Variants in LRRFIP2 observed in about 807,000 individuals in gnomAD.
LRRFIP2 encodes the protein leucine-rich repeat flightless-interacting protein 2.
LRRFIP2 carries 109 observed loss-of-function variants against 125.9 expected under a neutral mutation model. The observed-to-expected ratio is 0.87, with a 90% CI of 0.74 to 1.01. The LOEUF (loss-of-function observed/expected upper bound fraction) is 1.01. LRRFIP2 is among the 50% of genes least tolerant of loss of function. The pLI, the probability that LRRFIP2 is intolerant of heterozygous loss-of-function variation, is 0.00. For synonymous variants in LRRFIP2, 291 were observed against 293.1 expected, an observed-to-expected ratio of 0.99 and a Z score of 0.07; for missense variants, 850 against 862.3, an observed-to-expected ratio of 0.99 and a Z score of 0.18.
chr3:37,167,469 T>C (rs1216964370), intron 1 of LRRFIP2, among the ~76,000 whole-genome samples: 2 of 147,634 alleles, frequency 1.4e-5, no homozygotes, highest in Non-Finnish European at 3.0e-5. Flanking sequence ...GCCTGGCCAA[T>C]AGGGCGAAAC....
At chr3:37,148,791 T>C (rs1215039558) in intron 2 of LRRFIP2, 103 bp downstream of exon 2, 6 of 1,248,716 alleles carry the variant, frequency 4.8e-6, no homozygotes, top group Non-Finnish European at 5.7e-6. Context: ...ATAATAAACA[T>C]CTGAAACTAG....
intron 1 of LRRFIP2, among the ~76,000 whole-genome samples, chr3:37,159,727 A>G (rs2096283516): frequency 1.3e-5 from 2 of 151,534 alleles, no homozygotes; most frequent in Admixed American, 1.3e-4. Flanking sequence ...GGCTGTTCTC[A>G]AACTCCTGAC....
rs1177831266 is a variant in LRRFIP2 at position 37,172,607 on chromosome 3, CCTT to C, written c.-56+1929_-56+1931del. Among the ~76,000 whole-genome samples the C allele has an allele frequency of 2.6e-5, 4 of 152,142 alleles. No homozygotes were observed. In the East Asian group the frequency reaches 7.7e-4, roughly 29 times the overall value. On this transcript the variant is annotated intron_variant, in intron 1 of 27. Coordinates refer to ENST00000336686, the MANE Select transcript of LRRFIP2 (RefSeq NM_006309.4). ...ACTGAACCCATGAAATAAGCATTCT[CCTT>C]CTATAATGCCATTTCTTCCCCTTCC...
intron 11 of LRRFIP2, among the ~76,000 whole-genome samples, chr3:37,109,082 C>T (rs1051826659): frequency 1.3e-5 from 2 of 152,170 alleles, no homozygotes. Context: ...GGCCACAACA[C>T]AACAAACAGC....
chr3:37,121,846 G>A (rs1459759732), intron 4 of LRRFIP2, among the ~76,000 whole-genome samples, 155 bp from the exon 5 acceptor site: 1 of 5,548 alleles, frequency 1.8e-4, no homozygotes, highest in South Asian at 1.5e-3. Context: ...ACATTCGTGT[G>A]TGTGTGTGTG....
rs1284636581 is a variant in LRRFIP2, at chr3:37,052,917, C to A, written c.*934G>T. 1 of 152,120 alleles carries A rather than the reference C, an allele frequency of 6.6e-6. No homozygotes were observed. Among genetic ancestry groups the A allele is most frequent in the Admixed American group, 6.5e-5 (1 of 15,272 alleles). The allele number at this position is 152,120 out of a possible 1,614,324, so 9.4% of individuals were successfully genotyped here. A position where few individuals can be genotyped will look rare whatever the true frequency, so the allele number is the denominator to read the frequency against. ...AGTTCTACATTCCAGATTGTTTTTC[C>A]TTGAGAAGGAGACAAAAGAAGAGGG... On this transcript the variant is annotated 3_prime_UTR_variant, in exon 28 of 28. Transcript: ENST00000336686.
At chr3:37,118,480 T>C (rs1218171455) in intron 6 of LRRFIP2, among the ~76,000 whole-genome samples, 1 of 152,264 alleles carries the variant, frequency 6.6e-6, no homozygotes, top group African/African-American at 2.4e-5. Flanking sequence ...CCAATCATTA[T>C]ACAAAACTAA....
At chr3:37,120,233 A>G (rs2149538704) in intron 6 of LRRFIP2, among the ~76,000 whole-genome samples, 1 of 151,618 alleles carries the variant, frequency 6.6e-6, no homozygotes, top group Non-Finnish European at 1.5e-5. Flanking sequence ...CAGCCTCCCA[A>G]GTAACTGGGA....
At chr3:37,074,280 T>A (rs1166981660) in intron 20 of LRRFIP2, among the ~76,000 whole-genome samples, 1 of 152,182 alleles carries the variant, frequency 6.6e-6, no homozygotes, top group East Asian at 1.9e-4. Flanking sequence ...TCATTAACAA[T>A]CTATGCTTCC....
At chr3:37,092,761 G>T (rs886898980) in intron 17 of LRRFIP2, among the ~76,000 whole-genome samples, 1 of 152,070 alleles carries the variant, frequency 6.6e-6, no homozygotes, top group Non-Finnish European at 1.5e-5. Flanking sequence ...CTTCTCTGCC[G>T]CTGTTGCAAG....
At chr3:37,146,746 T>A (rs915352329) in intron 2 of LRRFIP2, among the ~76,000 whole-genome samples, 1 of 152,192 alleles carries the variant, frequency 6.6e-6, no homozygotes, top group African/African-American at 2.4e-5. Context: ...GTAACTCAAA[T>A]GTAACCCAAA....
At chr3:37,123,614 A>G (rs2095161403) in intron 4 of LRRFIP2, among the ~76,000 whole-genome samples, 1 of 152,230 alleles carries the variant, frequency 6.6e-6, no homozygotes, top group Non-Finnish European at 1.5e-5. Flanking sequence ...AAGGGCAGGT[A>G]CAGCTTAGTA....
Position 37,066,333 on chromosome 3 carries a change from T to C in LRRFIP2, c.1465-8A>G, listed in dbSNP as rs1168489933. Reference sequence around the variant, plus strand: ...TTTCTGTTTCTCTAGGGCCTGGTTTTAGGTAAGGTAGCAAGGGAAACAATG... The same window carrying C: ...TTTCTGTTTCTCTAGGGCCTGGTTTCAGGTAAGGTAGCAAGGGAAACAATG... On this transcript the variant is annotated splice_polypyrimidine_tract_variant and splice_region_variant and intron_variant, in intron 21 of 27. Transcript: ENST00000336686. 10 of 1,608,256 alleles carry C rather than the reference T, an allele frequency of 6.2e-6. No homozygotes were observed. Among genetic ancestry groups the C allele is most frequent in the Non-Finnish European group, 8.5e-6 (10 of 1,174,672 alleles).
chr3:37,147,020 A>G (rs1310275186), intron 2 of LRRFIP2, among the ~76,000 whole-genome samples: 2 of 149,938 alleles, frequency 1.3e-5, no homozygotes, highest in Non-Finnish European at 1.5e-5. Flanking sequence ...AATTTACAAG[A>G]AAAAAAAAAC....
rs755255146 is a variant in LRRFIP2 at position 37,148,878 on chromosome 3, G to T, written c.90+16C>A. ...TCTGTGCAACTCAGTGTTGAGAGGGGATTTACCAAACATACCTCTCTGGCA... is the reference window on the plus strand; with the variant it reads ...TCTGTGCAACTCAGTGTTGAGAGGGTATTTACCAAACATACCTCTCTGGCA... On this transcript the variant is annotated intron_variant, in intron 2 of 27. Coordinates refer to ENST00000336686, the MANE Select transcript of LRRFIP2 (RefSeq NM_006309.4). 10 of 1,613,700 alleles carry T rather than the reference G, an allele frequency of 6.2e-6. No individual in the cohort carries two copies. In the East Asian group the frequency reaches 1.8e-4, roughly 29 times the overall value.
intron 2 of LRRFIP2, among the ~76,000 whole-genome samples, chr3:37,130,632 G>A (rs925843661): frequency 1.3e-5 from 2 of 152,196 alleles, no homozygotes; most frequent in African/African-American, 4.8e-5. Context: ...ATTCTGAGTA[G>A]TATGATAAAA....
chr3:37,143,144 T>C (rs935270426), intron 2 of LRRFIP2, among the ~76,000 whole-genome samples: 11 of 152,204 alleles, frequency 7.2e-5, no homozygotes, highest in African/African-American at 2.4e-4. Context: ...GCCAGTGCCA[T>C]GCTTCTACAG....
intron 1 of LRRFIP2, among the ~76,000 whole-genome samples, chr3:37,157,356 T>C (rs763614813): frequency 1.1e-4 from 16 of 152,060 alleles, no homozygotes; most frequent in Admixed American, 8.5e-4. Context: ...GGTGGAAGGA[T>C]TGCTTGAACC....
chr3:37,095,334 T>C (rs916193890), intron 16 of LRRFIP2, among the ~76,000 whole-genome samples: 34 of 152,236 alleles, frequency 2.2e-4, no homozygotes, highest in African/African-American at 8.0e-4. Flanking sequence ...CTTTCTCTAA[T>C]ACTCTGTTGA....
Sources: allele counts gnomAD v4.1 joint callset (sites outside exome capture counted in the v4.1 genomes callset), GRCh38; gene constraint gnomAD v4.1.1; transcripts MANE v1.5; gene names NCBI Gene and HGNC (gene_info 2026-07-23, HGNC 2026-07-21).